EFHC2: variants seen among roughly 807,000 people sequenced by gnomAD.
The protein encoded by EFHC2 is EF-hand domain-containing family member C2.
Under a neutral mutation model 52.7 loss-of-function variants are expected in EFHC2, and 18 were observed. The ratio of observed to expected loss-of-function variants is 0.34; its 90% CI spans 0.24 to 0.51. The LOEUF is 0.51. Ranked by LOEUF, EFHC2 falls within the 20% of genes least tolerant of loss-of-function variation. The pLI, the probability that EFHC2 is intolerant of heterozygous loss-of-function variation, is 0.97. For missense variants in EFHC2, 513 were observed against 562.5 expected, an observed-to-expected ratio of 0.91 and a Z score of 0.89; for synonymous variants, 203 against 204.1, an observed-to-expected ratio of 0.99 and a Z score of 0.04.
At chrX:44,309,791 C>T (rs1015849487) in intron 2 of EFHC2, 2 of 1,029,102 alleles carry the variant, frequency 1.9e-6, no homozygotes, top group Middle Eastern at 7.1e-4. Flanking sequence ...CCTTCTACTG[C>T]AGCAAAGGCT....
intron 2 of EFHC2, among the ~76,000 whole-genome samples, chrX:44,298,641 T>A (rs886584401): frequency 2.7e-5 from 3 of 110,470 alleles, no homozygotes; most frequent in African/African-American, 9.9e-5. Flanking sequence ...GGCAGGCAGA[T>A]CACGAGGTCA....
chrX:44,212,285 G>T (rs1339860790), intron 11 of EFHC2, among the ~76,000 whole-genome samples: 1 of 111,618 alleles, frequency 9.0e-6, no homozygotes, highest in Non-Finnish European at 1.9e-5. Flanking sequence ...GTGGATGAGG[G>T]GGGTTGGGCG....
intron 11 of EFHC2, among the ~76,000 whole-genome samples, chrX:44,222,847 T>G (rs1328979960): frequency 8.9e-6 from 1 of 111,951 alleles, no homozygotes; most frequent in East Asian, 2.8e-4. Context: ...AGTAATTAAC[T>G]CAAGCTAACT....
At chrX:44,182,891 C>T (rs1327271918) in intron 11 of EFHC2, among the ~76,000 whole-genome samples, 1 of 111,192 alleles carries the variant, frequency 9.0e-6, no homozygotes, top group Non-Finnish European at 1.9e-5. Flanking sequence ...ATGATTTTCT[C>T]TTGACTTTAG....
chrX:44,309,785 C>CT, intron 2 of EFHC2: 1 of 1,017,612 alleles, frequency 9.8e-7, no homozygotes, highest in East Asian at 3.0e-5. Context: ...AAGATGCCTT[C>CT]TACTGCAGCA....
intron 2 of EFHC2, among the ~76,000 whole-genome samples, chrX:44,275,005 AT>A (rs201880619): frequency 5.4e-5 from 6 of 110,539 alleles, no homozygotes; most frequent in Admixed American, 1.9e-4. Context: ...TTAATCTGAG[AT>A]TTTTTTTTCT....
intron 14 of EFHC2, among the ~76,000 whole-genome samples, chrX:44,161,131 G>A (rs923733367): frequency 4.7e-4 from 52 of 111,234 alleles, no homozygotes; most frequent in African/African-American, 1.6e-3. Flanking sequence ...TTTGGGTGGT[G>A]GATTGAGTGG....
At chrX:44,329,145 C>T (rs113415917) in intron 1 of EFHC2, among the ~76,000 whole-genome samples, 2,049 of 111,416 alleles carry the variant, frequency 0.018, 20 homozygotes, top group Non-Finnish European at 0.028. Context: ...GTCAGGTATT[C>T]CATTACTTTC....
At chrX:44,287,279 T>C (rs1295167551) in intron 2 of EFHC2, among the ~76,000 whole-genome samples, 1 of 111,022 alleles carries the variant, frequency 9.0e-6, no homozygotes, top group Non-Finnish European at 1.9e-5. Context: ...TCAAAAAAAA[T>C]TTTTCTATCA....
intron 1 of EFHC2, among the ~76,000 whole-genome samples, chrX:44,337,533 A>C (rs2038124540): frequency 8.9e-6 from 1 of 111,870 alleles, no homozygotes; most frequent in Non-Finnish European, 1.9e-5. Flanking sequence ...GTAGGTAAAT[A>C]AGTTGGCTGA....
intron 3 of EFHC2, 86 bp from the exon 4 acceptor site, chrX:44,261,384 T>C: frequency 1.2e-6 from 1 of 831,200 alleles, no homozygotes; most frequent in Non-Finnish European, 1.7e-6. Context: ...CCCTGAATAC[T>C]TTCCCGCAAC....
Position 44,248,360 on chromosome X carries a change from T to A in EFHC2, c.1023A>T (p.Gly341=), listed in dbSNP as rs1481759375. 8.5e-7 allele frequency: 1 copy of A among 1,179,485 alleles called. No individual in the cohort carries two copies. The highest frequency in any genetic ancestry group is 1.8e-5 in the African/African-American group (1 of 56,326). The change falls in exon 7 of 15, where the codon GGA becomes GGT. Residue 341 remains glycine (G), a synonymous_variant. Coordinates refer to ENST00000420999, the MANE Select transcript of EFHC2 (RefSeq NM_025184.4). ...EFYKDSDLSL[G]VTINVWGRKV... ...TTCTTCCCCACACATTGATGGTGAC[T>A]CCTAGGGACAGGTCACTATCTTTGT... is the stretch of plus-strand genomic sequence containing the variant.
chrX:44,169,715 C>T (rs2036728021), intron 13 of EFHC2, among the ~76,000 whole-genome samples: 1 of 97,367 alleles, frequency 1.0e-5, no homozygotes, highest in African/African-American at 4.1e-5. Context: ...CTATATATAG[C>T]TACACATACA....
chrX:44,335,964 A>G (rs1017175343), intron 1 of EFHC2, among the ~76,000 whole-genome samples: 12 of 112,535 alleles, frequency 1.1e-4, no homozygotes, highest in African/African-American at 3.5e-4. Context: ...CAAGTAAGGA[A>G]ACTCCCCAAT....
intron 14 of EFHC2, 49 bp from the exon 15 acceptor site, chrX:44,148,945 C>G (rs756270485): frequency 9.5e-7 from 1 of 1,057,612 alleles, no homozygotes; most frequent in South Asian, 2.1e-5. Context: ...TTTCAAAGTA[C>G]AGTTTTGAAA....
chrX:44,151,094 G>C (rs775514670), intron 14 of EFHC2, among the ~76,000 whole-genome samples: 24 of 110,753 alleles, frequency 2.2e-4, no homozygotes, highest in African/African-American at 7.9e-4. Flanking sequence ...CAAAGTCTAG[G>C]AAGAGGCAGG....
chrX:44,243,701 T>C (rs946389230), intron 7 of EFHC2, among the ~76,000 whole-genome samples: 2 of 111,898 alleles, frequency 1.8e-5, no homozygotes, highest in African/African-American at 3.3e-5. Flanking sequence ...ACAGCAGACA[T>C]GTTTATAAAG....
At chrX:44,266,805 C>T (rs1291843724) in intron 3 of EFHC2, among the ~76,000 whole-genome samples, 1 of 111,407 alleles carries the variant, frequency 9.0e-6, no homozygotes, top group African/African-American at 3.3e-5. Context: ...ATAGTACATG[C>T]CCAATAAGAG....
At chrX:44,149,800 G>T (rs774373124) in intron 14 of EFHC2, among the ~76,000 whole-genome samples, 4 of 112,188 alleles carry the variant, frequency 3.6e-5, no homozygotes, top group Non-Finnish European at 7.5e-5. Context: ...TTACAGACGT[G>T]AACTGCTGCC....
Sources: gnomAD v4.1 joint callset for allele counts (sites outside exome capture counted in the v4.1 genomes callset) on GRCh38, gnomAD v4.1.1 for gene constraint, MANE v1.5 for transcripts, NCBI Gene and HGNC (gene_info 2026-07-23, HGNC 2026-07-21) for gene names.